Variants in CDC42BPA observed in about 807,000 individuals in gnomAD.
The protein encoded by CDC42BPA is serine/threonine-protein kinase MRCK alpha.
A neutral mutation model predicts 223.5 loss-of-function variants in CDC42BPA; 80 were observed. The ratio of observed to expected loss-of-function variants is 0.36; its 90% CI spans 0.30 to 0.43. The LOEUF is 0.43. Ranked by LOEUF, CDC42BPA falls within the 20% of genes least tolerant of loss-of-function variation. The pLI, the probability that CDC42BPA is intolerant of heterozygous loss-of-function variation, is 1.00. For missense variants in CDC42BPA, 1,743 were observed against 2,099.9 expected (o/e 0.83, Z 3.32); for synonymous variants, 694 against 718.6 (o/e 0.97, Z 0.55).
intron 25 of CDC42BPA, 130 bp downstream of exon 25, chr1:227,035,341 T>C (rs1670022407): frequency 1.5e-6 from 1 of 672,736 alleles, no homozygotes; most frequent in East Asian, 3.2e-5. Context: ...CTAGATGAAA[T>C]AAAATTATTA....
At chr1:227,182,963 G>A (rs373743319) in intron 5 of CDC42BPA, 2 of 152,320 alleles carry the variant, frequency 1.3e-5, no homozygotes, top group East Asian at 3.9e-4. Context: ...GGGAATCTCA[G>A]GACTTCAGCC....
At chr1:227,129,717 A>ATATATATATAT (rs1656668947) in intron 10 of CDC42BPA, among the ~76,000 whole-genome samples, 6 of 146,568 alleles carry the variant, frequency 4.1e-5, no homozygotes, top group African/African-American at 1.0e-4. Flanking sequence ...ATATATATAC[A>ATATATATATAT]AAAGAATCCA....
rs73090685 is a variant in CDC42BPA, at chr1:227,187,263, T to G, written c.599+6523A>C. On this transcript the variant is annotated intron_variant, in intron 5 of 36. Transcript: ENST00000366766. The stretch of plus-strand genomic sequence containing the variant: ...CAGGAATTTTAAAAACTATTATTAA[T>G]ATGTTAAAGATTTTATGGTTAAAGT... Among the ~76,000 whole-genome samples the G allele has an allele frequency of 9.1e-3, 1,385 of 152,238 alleles. 24 individuals are homozygous for G. The highest frequency in any genetic ancestry group is 0.032 in the African/African-American group (1,323 of 41,542).
At chr1:227,132,376 G>A (rs199855183) in intron 10 of CDC42BPA, among the ~76,000 whole-genome samples, 4,381 of 151,832 alleles carry the variant, frequency 0.029, 158 homozygotes, top group South Asian at 0.13. Context: ...CGAGTGATCC[G>A]CCAGCCTCGG....
At chr1:227,174,649 T>C (rs1396086392) in intron 5 of CDC42BPA, among the ~76,000 whole-genome samples, 1 of 152,180 alleles carries the variant, frequency 6.6e-6, no homozygotes, top group Non-Finnish European at 1.5e-5. Context: ...TAATAAAAGC[T>C]GTAATCAAAA....
At chr1:227,046,415 A>G (rs1311660640) in intron 23 of CDC42BPA, among the ~76,000 whole-genome samples, 2 of 152,152 alleles carry the variant, frequency 1.3e-5, no homozygotes, top group African/African-American at 4.8e-5. Flanking sequence ...AGCAGAGGAA[A>G]GGATTTGAAG....
At chr1:227,009,513 A>G (rs1664758401) in intron 34 of CDC42BPA, among the ~76,000 whole-genome samples, 1 of 152,158 alleles carries the variant, frequency 6.6e-6, no homozygotes, top group African/African-American at 2.4e-5. Flanking sequence ...GGCGCAAGTG[A>G]TCTTCTCCCC....
Position 227,031,364 on chromosome 1 carries a change from C to G in CDC42BPA, c.3709G>C (p.Val1237Leu), listed in dbSNP as rs1669250865. ...GTGCTGTCATAAGCCTCTTTGGGAACATAGACTGAGCGGTCTCTGAATTTG... is the reference window on the plus strand; with the variant it reads ...GTGCTGTCATAAGCCTCTTTGGGAAGATAGACTGAGCGGTCTCTGAATTTG... The part of the protein sequence containing the change: ...KNKFRDRSVY[V>L]PKEAYDSTLP... Residue 1237 changes from valine (V) to leucine (L), a missense_variant, in exon 28 of 37, where the codon GTT (valine) becomes CTT (leucine). This residue lies in a region of CDC42BPA where 678 missense variants were observed against 777.5 expected (regional missense o/e 0.87). Coordinates refer to ENST00000366766, the MANE Select transcript of CDC42BPA (RefSeq NM_001394014.1). 1.2e-6 allele frequency: 2 copies of G among 1,613,954 alleles called. No individual in the cohort carries two copies. Among genetic ancestry groups the G allele is most frequent in the Non-Finnish European group, 1.7e-6 (2 of 1,180,000 alleles).
rs1669899108 is a variant in CDC42BPA, at chr1:227,034,574, G to A, written c.3476+81C>T. ...AAATTAGTTCATTTAAATAAACCAT[G>A]GCAACACAATTTTTGAAAATCAGAA... On this transcript the variant is annotated intron_variant, in intron 26 of 36. Coordinates refer to ENST00000366766, the MANE Select transcript of CDC42BPA (RefSeq NM_001394014.1). The A allele has an allele frequency of 4.7e-6, 6 of 1,287,912 alleles. No homozygotes were observed. In the Admixed American group the frequency reaches 1.2e-4, roughly 25 times the overall value. The allele number at this position is 1,287,912 out of a possible 1,614,324, so 79.8% of individuals were successfully genotyped here. A position where few individuals can be genotyped will look rare whatever the true frequency, so the allele number is the denominator to read the frequency against.
At chr1:227,194,711 G>A (rs928760974) in intron 4 of CDC42BPA, among the ~76,000 whole-genome samples, 3 of 152,128 alleles carry the variant, frequency 2.0e-5, no homozygotes, top group Non-Finnish European at 4.4e-5. Flanking sequence ...ATATACATGT[G>A]TATTTGTGTG....
At chr1:227,290,802 A>G (rs999790882) in intron 1 of CDC42BPA, among the ~76,000 whole-genome samples, 1 of 152,182 alleles carries the variant, frequency 6.6e-6, no homozygotes, top group African/African-American at 2.4e-5. Context: ...CCTAAATCAA[A>G]AACACATTAT....
At position 227,026,089 on chromosome 1, in the gene CDC42BPA, G is replaced by T. The variant is rs768600809; in HGVS notation, c.4496C>A (p.Ser1499Tyr). ...AGGAAGAGTCTGAATCCATTCCATG[G>T]AGTTCACATCAAAGATATCAACTGC... is the stretch of plus-strand genomic sequence containing the variant. ...ENAVDIFDVN[S>Y]MEWIQTLPLK... is the part of the protein sequence containing the mutation. Residue 1499 changes from serine to tyrosine, a missense_variant, in exon 31 of 37, where the codon TCC becomes TAC. By Grantham distance (144) the Ser-to-Tyr change is moderately radical. This residue lies in a region of CDC42BPA where 678 missense variants were observed against 777.5 expected (regional missense o/e 0.87). Coordinates refer to ENST00000366766, the MANE Select transcript of CDC42BPA (RefSeq NM_001394014.1). 2 of 1,605,860 alleles carry T rather than the reference G, an allele frequency of 1.2e-6. No homozygotes were observed. The highest frequency in any genetic ancestry group is 2.2e-5 in the South Asian group (2 of 90,378).
At chr1:227,195,124 T>G (rs184355771) in intron 4 of CDC42BPA, among the ~76,000 whole-genome samples, 1 of 152,288 alleles carries the variant, frequency 6.6e-6, no homozygotes, top group African/African-American at 2.4e-5. Context: ...CCTTGAAAAT[T>G]AGGGAAGCAG....
At chr1:227,278,938 ATTCTT>A (rs1301208335) in intron 1 of CDC42BPA, among the ~76,000 whole-genome samples, 1 of 152,010 alleles carries the variant, frequency 6.6e-6, no homozygotes, top group Non-Finnish European at 1.5e-5. Flanking sequence ...CAGAAGTTAC[ATTCTT>A]TTCTTCAGGC....
chr1:227,023,897 A>T (rs894124160), intron 31 of CDC42BPA, among the ~76,000 whole-genome samples: 1 of 152,212 alleles, frequency 6.6e-6, no homozygotes, highest in Non-Finnish European at 1.5e-5. Flanking sequence ...AAAAAGGTAA[A>T]ATGTTTGGAG....
chr1:227,095,546 A>T (rs1477850827), intron 15 of CDC42BPA, among the ~76,000 whole-genome samples: 1 of 151,792 alleles, frequency 6.6e-6, no homozygotes, highest in Non-Finnish European at 1.5e-5. Context: ...TTTTAATAAG[A>T]CTTAAAAAAT....
chr1:227,284,472 T>G (rs551623785), intron 1 of CDC42BPA, among the ~76,000 whole-genome samples: 2 of 152,282 alleles, frequency 1.3e-5, no homozygotes, highest in East Asian at 3.9e-4. Context: ...AGCAGGTGAT[T>G]ATCAAGTATT....
At chr1:227,149,246 C>T (rs1029393911) in intron 6 of CDC42BPA, among the ~76,000 whole-genome samples, 1 of 152,186 alleles carries the variant, frequency 6.6e-6, no homozygotes, top group African/African-American at 2.4e-5. Context: ...ATAGTCTCAA[C>T]ATTTGGGATT....
chr1:227,109,320 T>C (rs1246527452), intron 14 of CDC42BPA, among the ~76,000 whole-genome samples: 2 of 152,202 alleles, frequency 1.3e-5, no homozygotes, highest in East Asian at 3.8e-4. Context: ...TTCTGAACTC[T>C]TCTGTAGTAA....
Sources: allele counts gnomAD v4.1 joint callset (sites outside exome capture counted in the v4.1 genomes callset), GRCh38; gene constraint gnomAD v4.1.1; regional missense constraint gnomAD v4.1.1; transcripts MANE v1.5; gene names NCBI Gene and HGNC (gene_info 2026-07-23, HGNC 2026-07-21).